SNX29: variants seen among roughly 807,000 people sequenced by gnomAD.
The protein encoded by SNX29 is sorting nexin 29.
Under a neutral mutation model 102.1 loss-of-function variants are expected in SNX29, and 78 were observed. That is an observed-to-expected ratio of 0.76 (90% CI 0.64 to 0.92). The LOEUF (loss-of-function observed/expected upper bound fraction) is 0.92, where lower values mean the gene tolerates loss of function less well. SNX29 is among the 40% of genes least tolerant of loss of function. SNX29 has a pLI of 0.00. For synonymous variants in SNX29, 580 were observed against 414.5 expected (o/e 1.40, Z -4.85); for missense variants, 1,280 against 1,061.7 (o/e 1.21, Z -2.86).
intron 13 of SNX29, among the ~76,000 whole-genome samples, chr16:12,162,120 A>G (rs1037820182): frequency 6.6e-6 from 1 of 152,136 alleles, no homozygotes; most frequent in Middle Eastern, 3.4e-3. Context: ...TGACTGAAAC[A>G]CCAGGCTTGT....
chr16:12,057,130 A>T (rs1193620648), intron 8 of SNX29, among the ~76,000 whole-genome samples: 1 of 152,188 alleles, frequency 6.6e-6, no homozygotes, highest in East Asian at 1.9e-4. Flanking sequence ...GGGCTTTTTA[A>T]ATCACTTTAT....
intron 3 of SNX29, among the ~76,000 whole-genome samples, chr16:12,003,943 G>A (rs374051479): frequency 7.0e-4 from 106 of 152,242 alleles, no homozygotes; most frequent in African/African-American, 2.3e-3. Context: ...GGCTAATTTT[G>A]GGGAAAATTA....
In SNX29 at chr16:12,549,506, C is replaced by T. The variant is rs114920583; in HGVS notation, c.2319-19000C>T. ...AGATCCTCACACATACAAAGATGTT[C>T]ATGCCATTTTTCATCCTCTATCTCA... On this transcript the variant is annotated intron_variant, in intron 20 of 20. Transcript: ENST00000566228. Among the ~76,000 whole-genome samples the T allele has an allele frequency of 5.3e-3, 800 of 151,510 alleles. 6 individuals are homozygous for T. Among genetic ancestry groups the T allele is most frequent in the African/African-American group, 0.019 (774 of 41,080 alleles).
chr16:12,060,690 A>T, intron 8 of SNX29: 2 of 437,640 alleles, frequency 4.6e-6, no homozygotes, highest in South Asian at 3.3e-5. Flanking sequence ...ATACTGGGGG[A>T]CGGCTATACT....
At chr16:12,155,166 CT>C (rs1274026645) in intron 13 of SNX29, among the ~76,000 whole-genome samples, 2 of 152,152 alleles carry the variant, frequency 1.3e-5, no homozygotes, top group Non-Finnish European at 2.9e-5. Context: ...GCCCAGGGGA[CT>C]CTGGCTCTTG....
At chr16:12,304,771 A>G (rs2080287273) in intron 15 of SNX29, among the ~76,000 whole-genome samples, 1 of 152,192 alleles carries the variant, frequency 6.6e-6, no homozygotes, top group Admixed American at 6.5e-5. Flanking sequence ...ACTTGTTTAT[A>G]TAAGTGGCCA....
At chr16:12,300,721 G>T (rs570257953) in intron 15 of SNX29, among the ~76,000 whole-genome samples, 6 of 152,282 alleles carry the variant, frequency 3.9e-5, no homozygotes, top group South Asian at 4.2e-4. Context: ...TGACATCTCC[G>T]TGGATTGTCT....
At chr16:12,426,669 A>C (rs1375497026) in intron 18 of SNX29, among the ~76,000 whole-genome samples, 13 of 152,124 alleles carry the variant, frequency 8.5e-5, no homozygotes. Context: ...ATTTTTAAAA[A>C]TTATTTATTT....
chr16:12,385,182 A>G (rs901865241), intron 16 of SNX29, among the ~76,000 whole-genome samples: 2 of 152,198 alleles, frequency 1.3e-5, no homozygotes, highest in African/African-American at 4.8e-5. Flanking sequence ...AAAAAGAAAA[A>G]AGAAAAGTTC....
chr16:12,381,324 T>C, intron 16 of SNX29, among the ~76,000 whole-genome samples: 1 of 60,318 alleles, frequency 1.7e-5, no homozygotes, highest in Non-Finnish European at 3.1e-5. Context: ...CACCCACCCA[T>C]CGTTCATCTC....
intron 20 of SNX29, among the ~76,000 whole-genome samples, chr16:12,562,449 T>C (rs1218901390): frequency 6.6e-6 from 1 of 152,206 alleles, no homozygotes; most frequent in Non-Finnish European, 1.5e-5. Context: ...CTAGTTTGAC[T>C]TTGATCCCCC....
intron 18 of SNX29, among the ~76,000 whole-genome samples, chr16:12,425,554 TA>T (rs1264418820): frequency 1.9e-5 from 1 of 53,180 alleles, no homozygotes; most frequent in Non-Finnish European, 4.4e-5. Flanking sequence ...ATAAAAAAAA[TA>T]AAAAGAGGGA....
intron 3 of SNX29, among the ~76,000 whole-genome samples, chr16:12,024,201 C>T (rs543274546): frequency 1.3e-5 from 2 of 151,428 alleles, no homozygotes; most frequent in Non-Finnish European, 1.5e-5. Context: ...TATAATGGCA[C>T]GATCTCGGCT....
intron 13 of SNX29, among the ~76,000 whole-genome samples, chr16:12,187,106 C>T (rs79311376): frequency 1.2e-3 from 185 of 152,358 alleles, no homozygotes; most frequent in African/African-American, 4.3e-3. Flanking sequence ...CCACACAGGG[C>T]CATATTCCTG....
At chr16:12,219,827 C>T (rs1347506202) in intron 14 of SNX29, among the ~76,000 whole-genome samples, 7 of 152,220 alleles carry the variant, frequency 4.6e-5, no homozygotes, top group African/African-American at 1.4e-4. Flanking sequence ...TACCTCTTGG[C>T]CAAGCCACCT....
At chr16:12,476,197 C>G (rs906882193) in intron 18 of SNX29, among the ~76,000 whole-genome samples, 1 of 149,218 alleles carries the variant, frequency 6.7e-6, no homozygotes, top group African/African-American at 2.5e-5. Flanking sequence ...TGGTGGGCAT[C>G]TGTAATCCCA....
At chr16:12,413,582 C>T (rs1233565787) in intron 18 of SNX29, among the ~76,000 whole-genome samples, 2 of 46,836 alleles carry the variant, frequency 4.3e-5, no homozygotes, top group South Asian at 4.1e-4. Flanking sequence ...TGACAGGGCC[C>T]TCGAGACAAT....
At chr16:12,046,706 G>A (rs1179855358) in intron 6 of SNX29, among the ~76,000 whole-genome samples, 8 of 152,306 alleles carry the variant, frequency 5.3e-5, no homozygotes, top group South Asian at 4.1e-4. Context: ...TGCAACCTCC[G>A]CCTCCTGGGT....
rs147871487 is a variant in SNX29 at position 12,418,704 on chromosome 16, G to A, written c.2037+15175G>A. Among the ~76,000 whole-genome samples the A allele has an allele frequency of 3.7e-3, 559 of 152,136 alleles. 2 individuals carry two copies. Among genetic ancestry groups the A allele is most frequent in the African/African-American group, 0.013 (537 of 41,504 alleles). On this transcript the variant is annotated intron_variant, in intron 18 of 20. Coordinates refer to ENST00000566228, the MANE Select transcript of SNX29 (RefSeq NM_032167.5). Reference sequence around the variant, plus strand: ...TAATTTTTGTATTTTTAGTAGAGACGGGGTTTTGCCCTGTTGGTTAGGCTG... The same window carrying A: ...TAATTTTTGTATTTTTAGTAGAGACAGGGTTTTGCCCTGTTGGTTAGGCTG...
Sources: gnomAD v4.1 joint callset for allele counts (sites outside exome capture counted in the v4.1 genomes callset) on GRCh38, gnomAD v4.1.1 for gene constraint, MANE v1.5 for transcripts, NCBI Gene and HGNC (gene_info 2026-07-23, HGNC 2026-07-21) for gene names.